Variants in PIKFYVE observed in about 807,000 individuals in gnomAD.
PIKFYVE encodes the protein 1-phosphatidylinositol 3-phosphate 5-kinase.
A neutral mutation model predicts 257.9 loss-of-function variants in PIKFYVE; 122 were observed. That is an observed-to-expected ratio of 0.47 (90% CI 0.41 to 0.55). PIKFYVE has a LOEUF of 0.55. Among genes scored for constraint, PIKFYVE ranks in the 20% least tolerant of loss-of-function variants. PIKFYVE has a pLI of 0.00. For missense variants in PIKFYVE, 2,160 were observed against 2,536.6 expected, an observed-to-expected ratio of 0.85 and a Z score of 3.19; for synonymous variants, 892 against 868.9, an observed-to-expected ratio of 1.03 and a Z score of -0.47.
chr2:208,326,033 A>T lies in PIKFYVE; in HGVS notation c.3222A>T (p.Arg1074Ser), dbSNP rs147686044. ...TTCTTTTAACTGAAAAGGGGATGAG[A>T]TGCTCTACCCGAGATTATTTTGCAG... The part of the protein sequence containing the change: ...EPFLLTEKGM[R>S]CSTRDYFAEQ... Residue 1074 changes from arginine to serine, a missense_variant, in exon 20 of 42, where the codon AGA becomes AGT. Around this residue, in one of 12 missense-constraint regions of PIKFYVE, gnomAD observed 522 missense variants for 514.6 expected, o/e 1.01. Transcript: ENST00000264380. 6 of 1,614,014 alleles carry T rather than the reference A, an allele frequency of 3.7e-6. No homozygotes were observed. The African/African-American group carries it at 6.7e-5, about 18-fold the overall frequency.
chr2:208,355,225 A>T lies in PIKFYVE; in HGVS notation c.6217A>T (p.Arg2073Trp), dbSNP rs757370774. ...AACAGTGGTGTCTCCGGAGTTGTAC[A>T]GGACTAGGTTTTGTGAGGCAATGGA... is the stretch of plus-strand genomic sequence containing the variant. Reference protein sequence around the residue: ...MPTVVSPELYRTRFCEAMDKY... With the variant: ...MPTVVSPELYWTRFCEAMDKY... Residue 2073 changes from arginine to tryptophan, a missense_variant, in exon 42 of 42, where the codon AGG becomes TGG. This residue lies in a region of PIKFYVE where 38 missense variants were observed against 77.7 expected (regional missense o/e 0.49). Coordinates refer to ENST00000264380, the MANE Select transcript of PIKFYVE (RefSeq NM_015040.4). 6.2e-7 allele frequency: 1 copy of T among 1,614,040 alleles called. No individual in the cohort carries two copies. Among genetic ancestry groups the T allele is most frequent in the Non-Finnish European group, 8.5e-7 (1 of 1,179,894 alleles).
chr2:208,292,140 T>C (rs1334644440), intron 7 of PIKFYVE, among the ~76,000 whole-genome samples: 2 of 152,140 alleles, frequency 1.3e-5, no homozygotes, highest in African/African-American at 4.8e-5. Flanking sequence ...TCTAGTTTGA[T>C]TCCATGTTGG....
chr2:208,342,466 A>G, intron 31 of PIKFYVE, 88 bp from the exon 32 acceptor site: 1 of 943,306 alleles, frequency 1.1e-6, no homozygotes, highest in Non-Finnish European at 1.7e-6. Context: ...GATTCAGGTT[A>G]TCATATCTGC....
At chr2:208,305,326 C>T in intron 12 of PIKFYVE, 1 of 1,235,602 alleles carries the variant, frequency 8.1e-7, no homozygotes, top group South Asian at 1.7e-5. Flanking sequence ...GCATTTATAA[C>T]ATGGATGTTC....
intron 5 of PIKFYVE, among the ~76,000 whole-genome samples, chr2:208,278,421 A>C (rs1407515433): frequency 2.0e-5 from 3 of 151,324 alleles, no homozygotes; most frequent in Admixed American, 6.6e-5. Flanking sequence ...TTTGGTAATA[A>C]TTTCAACTTT....
At chr2:208,319,510 A>G (rs13399978) in intron 16 of PIKFYVE, among the ~76,000 whole-genome samples, 57,339 of 151,702 alleles carry the variant, frequency 0.38, 11,753 homozygotes, top group Admixed American at 0.46. Flanking sequence ...TGCATGAATG[A>G]CTGTCTTGCC....
intron 9 of PIKFYVE, 79 bp downstream of exon 9, chr2:208,301,173 A>G: frequency 1.9e-6 from 3 of 1,553,038 alleles, no homozygotes; most frequent in South Asian, 2.3e-5. Flanking sequence ...TAAGAGTTAC[A>G]GATTTCTTTG....
intron 8 of PIKFYVE, 120 bp from the exon 9 acceptor site, chr2:208,300,817 C>T (rs1172355837): frequency 1.7e-6 from 2 of 1,195,936 alleles, no homozygotes; most frequent in Non-Finnish European, 1.2e-6. Context: ...TGTGAGTTAG[C>T]TACCATAAAG....
chr2:208,296,327 A>G (rs145824331), intron 7 of PIKFYVE, among the ~76,000 whole-genome samples: 17 of 152,266 alleles, frequency 1.1e-4, no homozygotes, highest in African/African-American at 4.1e-4. Context: ...TTCTAAATAT[A>G]TTTTGATTGT....
intron 41 of PIKFYVE, 84 bp from the exon 42 acceptor site, chr2:208,355,106 T>C: frequency 9.6e-7 from 1 of 1,040,406 alleles, no homozygotes; most frequent in Non-Finnish European, 1.5e-6. Context: ...TGGCAGTTTA[T>C]ATGAAAGAAC....
intron 27 of PIKFYVE, 75 bp downstream of exon 27, chr2:208,336,275 A>G: frequency 6.5e-7 from 1 of 1,542,552 alleles, no homozygotes; most frequent in Non-Finnish European, 8.9e-7. Context: ...AAACTTAAAA[A>G]TTTTTAATTA....
intron 6 of PIKFYVE, among the ~76,000 whole-genome samples, chr2:208,286,530 T>G (rs1235201404): frequency 1.3e-5 from 2 of 152,124 alleles, no homozygotes; most frequent in Non-Finnish European, 2.9e-5. Flanking sequence ...AGTTTCTGAT[T>G]TTTAAAAATT....
At chr2:208,297,033 G>C (rs1345384715) in intron 7 of PIKFYVE, among the ~76,000 whole-genome samples, 1 of 152,172 alleles carries the variant, frequency 6.6e-6, no homozygotes, top group Non-Finnish European at 1.5e-5. Flanking sequence ...ATGTGTAGAA[G>C]TGTAGGGATA....
At chr2:208,302,404 G>T (rs1055009792) in intron 10 of PIKFYVE, 51 bp downstream of exon 10, 3 of 1,455,408 alleles carry the variant, frequency 2.1e-6, no homozygotes, top group African/African-American at 1.4e-5. Flanking sequence ...TTATTTTATA[G>T]TCTTTCTTCA....
rs777644611 is a variant in PIKFYVE at position 208,288,762 on chromosome 2, T to C, written c.855T>C (p.Leu285=). ...ATCCAGATTCCTCAAATACTCCTCT[T>C]TCAACAAGACTTGTATCTGTGCAAG... is the stretch of plus-strand genomic sequence containing the variant. ...LIHPDSSNTP[L]STRLVSVQED... The change falls in exon 7 of 42, where the codon CTT becomes CTC. Residue 285 remains leucine, a synonymous_variant. Transcript: ENST00000264380. The C allele has an allele frequency of 2.5e-6, 4 of 1,614,044 alleles. No individual in the cohort carries two copies. The highest frequency in any genetic ancestry group is 3.4e-6 in the Non-Finnish European group (4 of 1,179,964).
In PIKFYVE at chr2:208,325,845, A is replaced by G. The variant is rs755986758; in HGVS notation, c.3034A>G (p.Ile1012Val). Residue 1012 changes from isoleucine (I) to valine (V), a missense_variant, in exon 20 of 42, where the codon ATA (isoleucine) becomes GTA (valine). Physicochemically the swap from Ile to Val is conservative, Grantham distance 29 (BLOSUM62 3). This residue lies in a region of PIKFYVE where 522 missense variants were observed against 514.6 expected (regional missense o/e 1.01). Transcript: ENST00000264380. ...TGTGCTGCAGGATCCCAAAAGCCAG[A>G]TAAGAGCCTTTAGAGACCCTCTACA... is the stretch of plus-strand genomic sequence containing the variant. ...TVVLQDPKSQ[I>V]RAFRDPLQDD... 12 of 1,614,104 alleles carry G rather than the reference A, an allele frequency of 7.4e-6. No individual in the cohort carries two copies. Among genetic ancestry groups the G allele is most frequent in the Non-Finnish European group, 1.0e-5 (12 of 1,179,982 alleles).
chr2:208,349,963 G>A, intron 35 of PIKFYVE, 61 bp from the exon 36 acceptor site: 1 of 1,596,638 alleles, frequency 6.3e-7, no homozygotes, highest in Non-Finnish European at 8.5e-7. Flanking sequence ...AAAAGGAAAG[G>A]ACAAAATGAA....
At position 208,285,833 on chromosome 2, in the gene PIKFYVE, T is replaced by G. The variant is rs146882906; in HGVS notation, c.721T>G (p.Cys241Gly). ...CTTGAATGCTCTTTCAGATTCTGCT[T>G]GCTCTGTGTCTGTGCTTGATCCAAG... Reference protein sequence around the residue: ...EDLNALSDSACSVSVLDPSEP... With the variant: ...EDLNALSDSAGSVSVLDPSEP... Residue 241 changes from cysteine (C) to glycine (G), a missense_variant, in exon 6 of 42, where the codon TGC becomes GGC. By Grantham distance (159) the Cys-to-Gly change is radical (BLOSUM62 -3). This residue lies in a region of PIKFYVE where 187 missense variants were observed against 185.6 expected (regional missense o/e 1.01). Transcript: ENST00000264380. 1 of 1,613,992 alleles carries G rather than the reference T, an allele frequency of 6.2e-7. No homozygotes were observed. Among genetic ancestry groups the G allele is most frequent in the African/African-American group, 1.3e-5 (1 of 74,924 alleles).
intron 17 of PIKFYVE, among the ~76,000 whole-genome samples, chr2:208,321,682 A>C (rs1349012314): frequency 6.7e-6 from 1 of 148,198 alleles, no homozygotes; most frequent in African/African-American, 2.5e-5. Context: ...GGTTCAAGCT[A>C]TTCTCCTGCC....
Sources: allele counts gnomAD v4.1 joint callset (sites outside exome capture counted in the v4.1 genomes callset), GRCh38; gene constraint gnomAD v4.1.1; regional missense constraint gnomAD v4.1.1; transcripts MANE v1.5; gene names NCBI Gene and HGNC (gene_info 2026-07-23, HGNC 2026-07-21).